OSBPL10: variants seen among roughly 807,000 people sequenced by gnomAD.
The protein encoded by OSBPL10 is oxysterol binding protein like 10, also known as oxysterol-binding protein-related protein 10.
In OSBPL10, 49 loss-of-function variants were observed where a neutral mutation model predicts 81.7. That is an observed-to-expected ratio of 0.60 (90% CI 0.48 to 0.76). OSBPL10 has a LOEUF of 0.76. Ranked by LOEUF, OSBPL10 falls within the 30% of genes least tolerant of loss-of-function variation. The pLI is 0.00. For missense variants in OSBPL10, 923 were observed against 987.8 expected (o/e 0.93, Z 0.88); for synonymous variants, 419 against 383.6 (o/e 1.09, Z -1.08).
chr3:31,858,064 T>C (rs1700972029), intron 3 of OSBPL10, among the ~76,000 whole-genome samples: 1 of 151,400 alleles, frequency 6.6e-6, no homozygotes, highest in Non-Finnish European at 1.5e-5. Context: ...GGCGTAATCA[T>C]GGCTCACTGC....
chr3:32,058,089 T>C (rs1030607631), intron 1 of OSBPL10, among the ~76,000 whole-genome samples: 4 of 152,240 alleles, frequency 2.6e-5, no homozygotes, highest in Admixed American at 2.6e-4. Flanking sequence ...GATCTGTGCA[T>C]ATCACTGCAT....
intron 3 of OSBPL10, among the ~76,000 whole-genome samples, chr3:31,850,096 T>C (rs1700725910): frequency 6.6e-6 from 1 of 151,780 alleles, no homozygotes; most frequent in Non-Finnish European, 1.5e-5. Context: ...ACCCAGGAGG[T>C]GGAGGTTGCA....
intron 8 of OSBPL10, among the ~76,000 whole-genome samples, chr3:31,675,878 G>A (rs537183001): frequency 1.1e-3 from 165 of 150,632 alleles, no homozygotes; most frequent in Non-Finnish European, 2.1e-3. Context: ...CCTGGGAGGC[G>A]GAGCTTGCAG....
intron 1 of OSBPL10, among the ~76,000 whole-genome samples, chr3:32,058,466 T>C (rs981938553): frequency 2.6e-5 from 4 of 152,132 alleles, no homozygotes; most frequent in Non-Finnish European, 4.4e-5. Context: ...TAATTGGGAT[T>C]ACTGGTGCCC....
intron 4 of OSBPL10, among the ~76,000 whole-genome samples, chr3:31,758,347 A>G (rs1697944840): frequency 6.6e-6 from 1 of 152,154 alleles, no homozygotes; most frequent in Non-Finnish European, 1.5e-5. Flanking sequence ...AGAACCCCCA[A>G]CCAAGTAAAC....
chr3:31,750,275 CT>C (rs1697671419), intron 4 of OSBPL10, among the ~76,000 whole-genome samples: 2 of 152,326 alleles, frequency 1.3e-5, no homozygotes, highest in Admixed American at 1.3e-4. Context: ...CATTTACCTC[CT>C]TCCAAACTAA....
intron 1 of OSBPL10, among the ~76,000 whole-genome samples, chr3:31,976,998 CCA>C (rs1371755188): frequency 3.3e-5 from 5 of 152,158 alleles, no homozygotes; most frequent in Non-Finnish European, 5.9e-5. Context: ...CAAAATAGCT[CCA>C]TTTTAGTTTG....
At chr3:31,682,640 C>T (rs1241135763) in intron 8 of OSBPL10, among the ~76,000 whole-genome samples, 3 of 152,214 alleles carry the variant, frequency 2.0e-5, no homozygotes, top group African/African-American at 7.2e-5. Context: ...CCCTGGTCTT[C>T]CCCGGACCCC....
intron 1 of OSBPL10, among the ~76,000 whole-genome samples, chr3:31,948,522 G>C (rs765260818): frequency 3.3e-5 from 5 of 152,064 alleles, no homozygotes; most frequent in African/African-American, 1.2e-4. Flanking sequence ...GAATCTCCAC[G>C]ACCACACTCG....
intron 4 of OSBPL10, among the ~76,000 whole-genome samples, chr3:31,801,565 A>C (rs1023414449): frequency 6.6e-6 from 1 of 152,184 alleles, no homozygotes; most frequent in African/African-American, 2.4e-5. Context: ...CAGGCCCCTG[A>C]GGTCTATCCC....
At chr3:32,057,231 T>C (rs1699719210) in intron 1 of OSBPL10, among the ~76,000 whole-genome samples, 1 of 152,352 alleles carries the variant, frequency 6.6e-6, no homozygotes, top group African/African-American at 2.4e-5. Flanking sequence ...GGAGTAGCCA[T>C]TCTTTTATTC....
At chr3:31,928,762 C>CCAAAAAAAAAAAAAAAA (rs768296819) in intron 1 of OSBPL10, among the ~76,000 whole-genome samples, 2 of 95,064 alleles carry the variant, frequency 2.1e-5, no homozygotes, top group African/African-American at 6.5e-5. Flanking sequence ...GACTTGTCTC[C>CCAAAAAAAAAAAAAAAA]AAAAAAAAAA....
At chr3:31,943,097 C>G (rs1197776731) in intron 1 of OSBPL10, among the ~76,000 whole-genome samples, 1 of 152,192 alleles carries the variant, frequency 6.6e-6, no homozygotes, top group Non-Finnish European at 1.5e-5. Context: ...CAATGGGAAG[C>G]ATACAATATT....
At chr3:31,941,075 C>A (rs1372861053) in intron 1 of OSBPL10, among the ~76,000 whole-genome samples, 1 of 152,062 alleles carries the variant, frequency 6.6e-6, no homozygotes, top group African/African-American at 2.4e-5. Context: ...AACGTTTGTC[C>A]GACAGGTGAA....
chr3:31,840,847 TA>T (rs1310476728), intron 3 of OSBPL10, among the ~76,000 whole-genome samples: 1 of 152,236 alleles, frequency 6.6e-6, no homozygotes, highest in Non-Finnish European at 1.5e-5. Flanking sequence ...AAAGCAGAAA[TA>T]AACTGTAGGC....
At chr3:31,764,251 A>T (rs1441942564) in intron 4 of OSBPL10, among the ~76,000 whole-genome samples, 1 of 152,244 alleles carries the variant, frequency 6.6e-6, no homozygotes, top group African/African-American at 2.4e-5. Flanking sequence ...GAATGAACTC[A>T]CTATAACGAA....
At chr3:31,775,814 G>A (rs975592186) in intron 4 of OSBPL10, among the ~76,000 whole-genome samples, 6 of 152,128 alleles carry the variant, frequency 3.9e-5, no homozygotes, top group African/African-American at 9.7e-5. Flanking sequence ...TTGGAGGAGC[G>A]GGAGAGAGAA....
intron 4 of OSBPL10, among the ~76,000 whole-genome samples, chr3:31,774,554 C>T (rs2125755192): frequency 6.6e-6 from 1 of 151,834 alleles, no homozygotes; most frequent in African/African-American, 2.4e-5. Flanking sequence ...GCTCTGTAGC[C>T]CAGGCTGGAG....
chr3:31,885,387 G>A (rs1245522850), intron 1 of OSBPL10, among the ~76,000 whole-genome samples: 1 of 152,022 alleles, frequency 6.6e-6, no homozygotes, highest in Non-Finnish European at 1.5e-5. Flanking sequence ...ACTCACCCTT[G>A]AAGGTGCATT....
Sources: allele counts gnomAD v4.1 joint callset (sites outside exome capture counted in the v4.1 genomes callset), GRCh38; gene constraint gnomAD v4.1.1; transcripts MANE v1.5; gene names NCBI Gene and HGNC (gene_info 2026-07-23, HGNC 2026-07-21).